Variants in LDLRAD4 observed in about 807,000 individuals in gnomAD.
The protein encoded by LDLRAD4 is low-density lipoprotein receptor class A domain-containing protein 4.
A neutral mutation model predicts 17.0 loss-of-function variants in LDLRAD4; 5 were observed. That is an observed-to-expected ratio of 0.29 (90% confidence interval 0.15 to 0.62). The LOEUF (loss-of-function observed/expected upper bound fraction) is 0.62, where lower values mean the gene tolerates loss of function less well. Ranked by LOEUF, LDLRAD4 falls within the 20% of genes least tolerant of loss-of-function variation. The pLI is 0.84. For synonymous variants in LDLRAD4, 168 were observed against 171.8 expected (o/e 0.98, Z 0.17); for missense variants, 340 against 424.7 (o/e 0.80, Z 1.75).
At chr18:13,262,160 G>GTGCGGCCCTGTGCT (rs2043876006) in intron 1 of LDLRAD4, among the ~76,000 whole-genome samples, 1 of 139,178 alleles carries the variant, frequency 7.2e-6, no homozygotes, top group Admixed American at 7.4e-5. Context: ...GGCTCTGTGC[G>GTGCGGCCCTGTGCT]TGGGGGCTGA....
intron 3 of LDLRAD4, chr18:13,520,093 A>G (rs1389440629): frequency 2.0e-5 from 3 of 152,266 alleles, no homozygotes; most frequent in South Asian, 2.1e-4. Flanking sequence ...AGAATCCTCT[A>G]TAGACCCTAT....
intron 3 of LDLRAD4, among the ~76,000 whole-genome samples, chr18:13,564,745 C>T (rs2094579289): frequency 6.6e-6 from 1 of 152,196 alleles, no homozygotes. Context: ...AACCATTTCC[C>T]TTCATTGCCT....
At chr18:13,349,964 C>A (rs140454514) in intron 1 of LDLRAD4, among the ~76,000 whole-genome samples, 15 of 152,334 alleles carry the variant, frequency 9.8e-5, no homozygotes, top group African/African-American at 3.6e-4. Context: ...GACACGATCT[C>A]ATTCCTTTTT....
chr18:13,348,166 A>T (rs1314271774), intron 1 of LDLRAD4, among the ~76,000 whole-genome samples: 1 of 152,098 alleles, frequency 6.6e-6, no homozygotes, highest in South Asian at 2.1e-4. Flanking sequence ...TAGAATTTTC[A>T]GTTTTTCTGC....
At position 13,645,387 on chromosome 18, in the gene LDLRAD4, T is replaced by C. The variant is rs759197518; in HGVS notation, c.651T>C (p.Asp217=). Residue 217 remains aspartate, a synonymous_variant, in exon 6 of 6, where the codon GAT becomes GAC. Coordinates refer to ENST00000359446, the Ensembl canonical transcript of LDLRAD4. This position sits in a 1 kb window ranked among gnomAD's most constrained non-coding sequence, Gnocchi z 5.7. Reference sequence around the variant, plus strand: ...CCAACCGAACCATATTTGACAGTGATTTAATAGACATTGCTATGTATAGCG... The same window carrying C: ...CCAACCGAACCATATTTGACAGTGACTTAATAGACATTGCTATGTATAGCG... 1.2e-6 allele frequency: 2 copies of C among 1,613,976 alleles called. No individual in the cohort carries two copies. Among genetic ancestry groups the C allele is most frequent in the Admixed American group, 1.7e-5 (1 of 59,990 alleles).
intron 1 of LDLRAD4, among the ~76,000 whole-genome samples, chr18:13,363,344 A>G (rs889282587): frequency 6.6e-6 from 1 of 151,714 alleles, no homozygotes; most frequent in Non-Finnish European, 1.5e-5. Context: ...AAAAAAAAAA[A>G]AAAAAAAAAA....
rs1281525445 is a variant in LDLRAD4 at position 13,621,340 on chromosome 18, C to T, written c.336+69C>T. On this transcript the variant is annotated intron_variant, in intron 4 of 5. Coordinates refer to ENST00000359446, the Ensembl canonical transcript of LDLRAD4. The surrounding 1 kb of genome is among the most constrained non-coding windows in gnomAD (Gnocchi z 5.5). ...AGAGGCTTAGGAGCCCATCAGGGTT[C>T]AGAGGCCGGGAGTGCTTTCAGTTGA... 7.7e-7 allele frequency: 1 copy of T among 1,292,510 alleles called. No homozygotes were observed. The allele number at this position is 1,292,510 out of a possible 1,614,324, so 80.1% of individuals were successfully genotyped here. A position where few individuals can be genotyped will look rare whatever the true frequency, so the allele number is the denominator to read the frequency against.
At chr18:13,254,181 G>C (rs566645580) in intron 1 of LDLRAD4, among the ~76,000 whole-genome samples, 2 of 152,238 alleles carry the variant, frequency 1.3e-5, no homozygotes, top group African/African-American at 4.8e-5. Flanking sequence ...GTGTCGCGCC[G>C]TGAAGGCAGA....
intron 1 of LDLRAD4, among the ~76,000 whole-genome samples, chr18:13,254,458 C>T (rs1326435412): frequency 3.3e-5 from 5 of 152,116 alleles, no homozygotes; most frequent in African/African-American, 7.2e-5. Flanking sequence ...GCAGGGCTGG[C>T]GCGGACAGAG....
intron 3 of LDLRAD4, among the ~76,000 whole-genome samples, chr18:13,479,129 A>G (rs1328538796): frequency 1.3e-5 from 2 of 152,260 alleles, no homozygotes; most frequent in African/African-American, 4.8e-5. Context: ...AATTAATTCA[A>G]AATAGATCAC....
intron 1 of LDLRAD4, among the ~76,000 whole-genome samples, chr18:13,385,289 G>C (rs1178304401): frequency 6.6e-6 from 1 of 152,158 alleles, no homozygotes; most frequent in African/African-American, 2.4e-5. Flanking sequence ...CTTCTTTTGA[G>C]AAACATCTTT....
intron 1 of LDLRAD4, among the ~76,000 whole-genome samples, chr18:13,255,990 C>T (rs1026029947): frequency 6.6e-6 from 1 of 152,148 alleles, no homozygotes; most frequent in Non-Finnish European, 1.5e-5. Flanking sequence ...TTGTTTCTGC[C>T]TAACTTTCGT....
In LDLRAD4 at chr18:13,449,587, C is replaced by T. The variant is rs138965955; in HGVS notation, c.181+11203C>T. Among the ~76,000 whole-genome samples, 266 of 152,362 alleles carry T rather than the reference C, an allele frequency of 1.7e-3. 1 individual carries two copies. Among genetic ancestry groups the T allele is most frequent in the Non-Finnish European group, 2.8e-3 (189 of 68,036 alleles). On this transcript the variant is annotated intron_variant, in intron 3 of 5. Coordinates refer to ENST00000359446, the Ensembl canonical transcript of LDLRAD4. ...AGAAAGGCCCCTGTCTTCCTGCGGGCGTGCACCTGTTCCGGAGAGGGCCCC... is the reference window on the plus strand; with the variant it reads ...AGAAAGGCCCCTGTCTTCCTGCGGGTGTGCACCTGTTCCGGAGAGGGCCCC...
At chr18:13,293,179 C>G (rs975113762) in intron 1 of LDLRAD4, among the ~76,000 whole-genome samples, 1 of 152,206 alleles carries the variant, frequency 6.6e-6, no homozygotes, top group Non-Finnish European at 1.5e-5. Context: ...TTATGTCTTT[C>G]CTATGGCCTG....
In LDLRAD4 at chr18:13,450,331, C is replaced by A. The variant is rs546706354; in HGVS notation, c.181+11947C>A. Among the ~76,000 whole-genome samples the A allele has an allele frequency of 4.2e-5, 5 of 120,028 alleles. 1 individual carries two copies. Among genetic ancestry groups the A allele is most frequent in the Non-Finnish European group, 7.3e-5 (4 of 54,484 alleles). 78.7% of individuals were successfully genotyped at this position (120,028 alleles called of 152,430 possible). On this transcript the variant is annotated intron_variant, in intron 3 of 5. Transcript: ENST00000359446. ...CAGTTAGCTTCTCTCCCCCCACCCC[C>A]CCCCCCAAAAAAACACACAAGATCC...
At chr18:13,375,017 G>T (rs976473251) in intron 1 of LDLRAD4, among the ~76,000 whole-genome samples, 1 of 152,220 alleles carries the variant, frequency 6.6e-6, no homozygotes, top group Non-Finnish European at 1.5e-5. Flanking sequence ...GGAACACTGG[G>T]CATGGTGCTA....
chr18:13,421,802 C>A (rs1378134160), intron 2 of LDLRAD4, among the ~76,000 whole-genome samples: 2 of 152,200 alleles, frequency 1.3e-5, no homozygotes, highest in Non-Finnish European at 2.9e-5. Context: ...CAAACTGGGT[C>A]CCCTGCAGGA....
intron 3 of LDLRAD4, chr18:13,472,406 A>G (rs1180326759): frequency 6.6e-6 from 1 of 152,284 alleles, no homozygotes; most frequent in Non-Finnish European, 1.5e-5. Flanking sequence ...CTTGAGGTTC[A>G]TGAAATGCTC....
At chr18:13,430,170 C>T (rs991342716) in intron 2 of LDLRAD4, among the ~76,000 whole-genome samples, 1 of 152,132 alleles carries the variant, frequency 6.6e-6, no homozygotes, top group African/African-American at 2.4e-5. Flanking sequence ...ATTTTGGGGC[C>T]CACGTTTCTG....
Sources: gnomAD v4.1 joint callset for allele counts (sites outside exome capture counted in the v4.1 genomes callset) on GRCh38, gnomAD v4.1.1 for gene constraint, Gnocchi (gnomAD v3.1) non-coding constraint, MANE v1.5 for transcripts, NCBI Gene and HGNC (gene_info 2026-07-23, HGNC 2026-07-21) for gene names.